The following PRKCE variants were observed in gnomAD, a reference collection of about 807,000 sequenced individuals.
PRKCE encodes the protein protein kinase C epsilon type.
In PRKCE, 16 loss-of-function variants were observed where a neutral mutation model predicts 85.4. That is an observed-to-expected ratio of 0.19 (90% CI 0.13 to 0.28). The LOEUF is 0.28. Ranked by LOEUF, PRKCE falls within the 10% of genes least tolerant of loss-of-function variation. The probability of loss-of-function intolerance (pLI) is 1.00; values close to 1 mark genes in which losing one functional copy is unlikely to be tolerated. For synonymous variants in PRKCE, 388 were observed against 371.5 expected (o/e 1.04, Z -0.51); for missense variants, 573 against 975.2 (o/e 0.59, Z 5.49).
chr2:45,980,260 A>C lies in PRKCE; in HGVS notation c.608-36A>C, dbSNP rs1702779763. 2.5e-6 allele frequency: 4 copies of C among 1,590,150 alleles called. No individual in the cohort carries two copies. In the African/African-American group the frequency reaches 4.0e-5, roughly 16 times the overall value. Reference sequence around the variant, plus strand: ...CCTGGGAGGGACACTCCCTTTCCTGAGTGTCATTCAGCCTTCCTGTCTTTG... The same window carrying C: ...CCTGGGAGGGACACTCCCTTTCCTGCGTGTCATTCAGCCTTCCTGTCTTTG... On this transcript the variant is annotated intron_variant, in intron 4 of 14. Coordinates refer to ENST00000306156, the MANE Select transcript of PRKCE (RefSeq NM_005400.3).
At chr2:46,019,914 A>T (rs563931158) in intron 10 of PRKCE, among the ~76,000 whole-genome samples, 1 of 144,392 alleles carries the variant, frequency 6.9e-6, no homozygotes, top group East Asian at 2.0e-4. Flanking sequence ...CAACGGCGCA[A>T]TCTCGGCTCA....
At chr2:46,059,285 C>G (rs1666893441) in intron 10 of PRKCE, among the ~76,000 whole-genome samples, 1 of 152,048 alleles carries the variant, frequency 6.6e-6, no homozygotes, top group African/African-American at 2.4e-5. Context: ...GAGACCTCAA[C>G]CCTTGACCCT....
chr2:46,157,897 G>A, intron 13 of PRKCE, among the ~76,000 whole-genome samples: 1 of 152,226 alleles, frequency 6.6e-6, no homozygotes, highest in Non-Finnish European at 1.5e-5. Context: ...GTCTCCGAGG[G>A]CTACTGCCTA....
At chr2:45,751,356 T>C (rs1389543447) in intron 1 of PRKCE, among the ~76,000 whole-genome samples, 1 of 152,220 alleles carries the variant, frequency 6.6e-6, no homozygotes, top group Non-Finnish European at 1.5e-5. Context: ...TGTTATCACA[T>C]CATTATATAA....
intron 2 of PRKCE, among the ~76,000 whole-genome samples, chr2:45,886,074 G>A (rs1045570560): frequency 6.6e-6 from 1 of 152,220 alleles, no homozygotes; most frequent in Admixed American, 6.5e-5. Context: ...TACCTGGGCT[G>A]TCTTGCCACT....
rs190342678 is a variant in PRKCE, at chr2:46,088,918, C to G, written c.1592+2556C>G. 4.6e-5 allele frequency among the ~76,000 whole-genome samples: 7 copies of G among 152,318 alleles called. No homozygotes were observed. The East Asian group carries it at 7.7e-4, about 17-fold the overall frequency. On this transcript the variant is annotated intron_variant, in intron 11 of 14. Transcript: ENST00000306156. ...CTGACACACCAACTCATGCTGCACA[C>G]CATGACACTTGGTACCCTGCCTTTT...
chr2:46,030,290 C>T (rs1218026293), intron 10 of PRKCE, among the ~76,000 whole-genome samples: 6 of 152,200 alleles, frequency 3.9e-5, no homozygotes, highest in African/African-American at 1.4e-4. Flanking sequence ...TTTTCTCATC[C>T]ATACAACAGA....
intron 1 of PRKCE, among the ~76,000 whole-genome samples, chr2:45,724,040 C>G (rs1177071821): frequency 6.6e-6 from 1 of 152,210 alleles, no homozygotes; most frequent in Non-Finnish European, 1.5e-5. Context: ...TGGCTTCAGA[C>G]TCTGGGCAGT....
At position 45,836,058 on chromosome 2, in the gene PRKCE, C is replaced by T. The variant is rs1255821285; in HGVS notation, c.349-6942C>T. 1.6e-4 allele frequency among the ~76,000 whole-genome samples: 24 copies of T among 152,208 alleles called. 1 individual carries two copies. The highest frequency in any genetic ancestry group is 1.3e-3 in the Admixed American group (20 of 15,280). Reference sequence around the variant, plus strand: ...ATAGTAGATGGCTTCCCCAGTAAATCATCTCCACAACTCAGCGTACAGATC... The same window carrying T: ...ATAGTAGATGGCTTCCCCAGTAAATTATCTCCACAACTCAGCGTACAGATC... On this transcript the variant is annotated intron_variant, in intron 1 of 14. Coordinates refer to ENST00000306156, the MANE Select transcript of PRKCE (RefSeq NM_005400.3).
intron 10 of PRKCE, among the ~76,000 whole-genome samples, chr2:46,075,184 G>A (rs191710364): frequency 5.2e-4 from 79 of 152,148 alleles, no homozygotes; most frequent in Admixed American, 4.1e-3. Context: ...GGGACTGTAG[G>A]CACGCACCAC....
chr2:46,157,009 A>G (rs373093179), intron 13 of PRKCE, among the ~76,000 whole-genome samples: 33 of 152,182 alleles, frequency 2.2e-4, no homozygotes, highest in African/African-American at 7.9e-4. Flanking sequence ...CACGTATCTC[A>G]TTTTCCTGTC....
intron 2 of PRKCE, among the ~76,000 whole-genome samples, chr2:45,917,646 C>G (rs770446097): frequency 1.3e-3 from 201 of 152,370 alleles, no homozygotes; most frequent in Middle Eastern, 3.4e-3. Context: ...GTGGAGCTGC[C>G]TGCCAGTCCC....
intron 1 of PRKCE, among the ~76,000 whole-genome samples, chr2:45,754,318 GC>G (rs1215846014): frequency 1.3e-5 from 2 of 152,214 alleles, no homozygotes; most frequent in African/African-American, 2.4e-5. Context: ...TCAGTGAGTT[GC>G]TTTCATGTGT....
At chr2:46,039,451 C>T (rs1372795512) in intron 10 of PRKCE, among the ~76,000 whole-genome samples, 1 of 152,136 alleles carries the variant, frequency 6.6e-6, no homozygotes, top group Non-Finnish European at 1.5e-5. Context: ...GCTCAATGAG[C>T]CTCCACTGAG....
Position 46,080,306 on chromosome 2 carries a change from A to G in PRKCE, c.1438-5902A>G, listed in dbSNP as rs183328189. On this transcript the variant is annotated intron_variant, in intron 10 of 14. Transcript: ENST00000306156. ...TAGAGTGAGGGGAAATGAAAATTTTACCTTGCTTTAAAACACCCTTAATGT... is the reference window on the plus strand; with the variant it reads ...TAGAGTGAGGGGAAATGAAAATTTTGCCTTGCTTTAAAACACCCTTAATGT... 3.3e-4 allele frequency among the ~76,000 whole-genome samples: 50 copies of G among 151,344 alleles called. 1 individual carries two copies. In the East Asian group the frequency reaches 8.1e-3, roughly 25 times the overall value.
intron 2 of PRKCE, among the ~76,000 whole-genome samples, chr2:45,885,465 A>G (rs888679269): frequency 6.6e-6 from 1 of 152,110 alleles, no homozygotes; most frequent in Non-Finnish European, 1.5e-5. Context: ...TGCTGCTATT[A>G]ATTGGGTTGG....
At chr2:45,662,369 C>T (rs961724455) in intron 1 of PRKCE, among the ~76,000 whole-genome samples, 27 of 152,272 alleles carry the variant, frequency 1.8e-4, no homozygotes, top group African/African-American at 6.0e-4. Context: ...CCGAGAAGCA[C>T]AGCTTACTAC....
At chr2:45,687,342 T>G (rs1677375849) in intron 1 of PRKCE, among the ~76,000 whole-genome samples, 1 of 152,184 alleles carries the variant, frequency 6.6e-6, no homozygotes, top group African/African-American at 2.4e-5. Flanking sequence ...GAAATATACA[T>G]GACTCTTAAA....
intron 1 of PRKCE, among the ~76,000 whole-genome samples, chr2:45,835,552 C>G (rs1038820453): frequency 3.3e-5 from 5 of 149,944 alleles, no homozygotes; most frequent in Non-Finnish European, 4.4e-5. Flanking sequence ...TGTTTGGCTT[C>G]TTTCACATAG....
Sources: allele counts gnomAD v4.1 joint callset (sites outside exome capture counted in the v4.1 genomes callset), GRCh38; gene constraint gnomAD v4.1.1; transcripts MANE v1.5; gene names NCBI Gene and HGNC (gene_info 2026-07-23, HGNC 2026-07-21).